The following FGF14 variants were observed in gnomAD, a reference collection of about 807,000 sequenced individuals.
FGF14 encodes the protein fibroblast growth factor 14, also known as fibroblast growth factor homologous factor 4.
In FGF14, 5 loss-of-function variants were observed where a neutral mutation model predicts 25.5. The ratio of observed to expected loss-of-function variants is 0.20; its 90% CI spans 0.10 to 0.41. The LOEUF is 0.41. Ranked by LOEUF, FGF14 falls within the 10% of genes least tolerant of loss-of-function variation. FGF14 has a pLI of 1.00. For synonymous variants in FGF14, 138 were observed against 118.3 expected, an observed-to-expected ratio of 1.17 and a Z score of -1.08; for missense variants, 222 against 320.1, an observed-to-expected ratio of 0.69 and a Z score of 2.34.
chr13:102,345,515 C>G (rs148542255), intron 1 of FGF14, among the ~76,000 whole-genome samples: 1 of 152,224 alleles, frequency 6.6e-6, no homozygotes, highest in Non-Finnish European at 1.5e-5. Flanking sequence ...ACAAAGCATG[C>G]CTTTTCCCCC....
In FGF14 at chr13:101,850,502, ATATATATATATAGAATT is replaced by A. The variant is rs2043751983; in HGVS notation, c.408+18206_408+18222del. ...TATATATATATATATATATATATAT[ATATATATATATAGAATT>A]ATATATTCTATATATATATATATAT... On this transcript the variant is annotated intron_variant, in intron 3 of 4. Transcript: ENST00000376143. Among the ~76,000 whole-genome samples the A allele has an allele frequency of 1.1e-3, 2 of 1,880 alleles. 1 individual carries two copies. Among genetic ancestry groups the A allele is most frequent in the Non-Finnish European group, 2.5e-3 (2 of 802 alleles). The allele number at this position is 1,880 out of a possible 152,430, so 1.2% of individuals were successfully genotyped here.
At chr13:102,388,097 T>A (rs1346259514) in intron 1 of FGF14, among the ~76,000 whole-genome samples, 1 of 152,156 alleles carries the variant, frequency 6.6e-6, no homozygotes, top group Non-Finnish European at 1.5e-5. Context: ...GTCCCTGGGG[T>A]CTGTTGTTCC....
chr13:102,331,013 G>A (rs544720326), intron 1 of FGF14, among the ~76,000 whole-genome samples: 10 of 152,310 alleles, frequency 6.6e-5, no homozygotes, highest in East Asian at 1.9e-4. Flanking sequence ...GAATCAGACC[G>A]TCCTCCATTT....
chr13:102,198,969 C>A (rs927878332), intron 1 of FGF14, among the ~76,000 whole-genome samples: 1 of 152,206 alleles, frequency 6.6e-6, no homozygotes, highest in East Asian at 1.9e-4. Context: ...CCCCCAATAT[C>A]CTTATGTCTA....
At chr13:102,022,133 C>T (rs181522522) in intron 1 of FGF14, among the ~76,000 whole-genome samples, 19 of 152,056 alleles carry the variant, frequency 1.2e-4, no homozygotes, top group African/African-American at 4.6e-4. Flanking sequence ...CCCCCACCCC[C>T]CTTACTCAAT....
intron 1 of FGF14, among the ~76,000 whole-genome samples, chr13:101,970,204 G>C (rs755472473): frequency 6.6e-6 from 1 of 152,176 alleles, no homozygotes; most frequent in Admixed American, 6.5e-5. Flanking sequence ...AGGAGATCTA[G>C]ACCTTGTATG....
intron 1 of FGF14, among the ~76,000 whole-genome samples, chr13:102,355,913 C>G (rs1358071775): frequency 2.0e-5 from 3 of 151,590 alleles, no homozygotes; most frequent in Non-Finnish European, 4.4e-5. Flanking sequence ...GATTTTTTTC[C>G]ATCTCAGGTA....
intron 1 of FGF14, among the ~76,000 whole-genome samples, chr13:102,326,121 C>G (rs1232371077): frequency 6.6e-6 from 1 of 152,114 alleles, no homozygotes; most frequent in Non-Finnish European, 1.5e-5. Flanking sequence ...AATTTTAAAG[C>G]ATAACCTCAA....
intron 3 of FGF14, among the ~76,000 whole-genome samples, chr13:101,839,558 G>T (rs930863308): frequency 6.6e-6 from 1 of 151,940 alleles, no homozygotes; most frequent in Non-Finnish European, 1.5e-5. Context: ...GTAAATAGTA[G>T]ATGTATATAT....
Position 102,400,044 on chromosome 13 carries a change from T to G in FGF14, c.208+1427A>C, listed in dbSNP as rs1202960118. Among the ~76,000 whole-genome samples the G allele has an allele frequency of 6.6e-6, 1 of 150,922 alleles. No homozygotes were observed. The highest frequency in any genetic ancestry group is 1.5e-5 in the Non-Finnish European group (1 of 67,704). ...GGTCTCAGCCTCCGCACCCACCGCC[T>G]CCGTCCCCGCCCACCCGCACCTCCT... On this transcript the variant is annotated intron_variant, in intron 1 of 4. Coordinates refer to the FGF14 transcript ENST00000376131. This position sits in a 1 kb window ranked among gnomAD's most constrained non-coding sequence, Gnocchi z 4.3.
rs370757924 is a variant in FGF14 at position 101,961,606 on chromosome 13, T to C, written c.209-86310A>G. Among the ~76,000 whole-genome samples, 4 of 152,274 alleles carry C rather than the reference T, an allele frequency of 2.6e-5. No homozygotes were observed. The South Asian group carries it at 8.3e-4, about 32-fold the overall frequency. ...TCTTGTAGTTCTCATAATACCCATA[T>C]GTTATGGGAGCAACCTGGTGGGAGC... On this transcript the variant is annotated intron_variant, in intron 1 of 4. Transcript: ENST00000376131.
At chr13:101,978,637 A>G (rs987571018) in intron 1 of FGF14, among the ~76,000 whole-genome samples, 1 of 152,240 alleles carries the variant, frequency 6.6e-6, no homozygotes, top group African/African-American at 2.4e-5. Context: ...TACATCTCCA[A>G]TATCACTATG....
chr13:102,237,159 T>C (rs938254535), intron 1 of FGF14, among the ~76,000 whole-genome samples: 1 of 152,360 alleles, frequency 6.6e-6, no homozygotes, highest in Admixed American at 6.5e-5. Flanking sequence ...GAAGACTTTC[T>C]GATAGAGCGT....
At chr13:102,130,567 C>T (rs1165359803) in intron 1 of FGF14, among the ~76,000 whole-genome samples, 7 of 152,138 alleles carry the variant, frequency 4.6e-5, no homozygotes, top group African/African-American at 1.4e-4. Flanking sequence ...ATTAATACCC[C>T]CTTTGTCAGA....
At chr13:102,362,457 T>C (rs1197799737) in intron 1 of FGF14, among the ~76,000 whole-genome samples, 1 of 152,216 alleles carries the variant, frequency 6.6e-6, no homozygotes, top group Non-Finnish European at 1.5e-5. Flanking sequence ...AATAGAGATA[T>C]TGAGATAAAT....
At chr13:101,805,177 T>C (rs570517070) in intron 3 of FGF14, among the ~76,000 whole-genome samples, 29 of 152,274 alleles carry the variant, frequency 1.9e-4, no homozygotes, top group Non-Finnish European at 2.9e-4. Context: ...ATTTGAAGCC[T>C]GATAGGGTTG....
At chr13:101,884,116 A>T (rs1177731850) in intron 1 of FGF14, among the ~76,000 whole-genome samples, 1 of 148,958 alleles carries the variant, frequency 6.7e-6, no homozygotes, top group Non-Finnish European at 1.5e-5. Flanking sequence ...GAGAGTCACT[A>T]TATGATGTGT....
At position 102,191,921 on chromosome 13, in the gene FGF14, G is replaced by A. The variant is rs548160048; in HGVS notation, c.208+209550C>T. Among the ~76,000 whole-genome samples the A allele has an allele frequency of 5.9e-5, 9 of 152,304 alleles. No individual in the cohort carries two copies. In the East Asian group the frequency reaches 1.5e-3, roughly 26 times the overall value. ...GGAAAAATTAAGAAAGAAGGAAGGA[G>A]AGACAGGCCACAAGAATGTCTAAAA... On this transcript the variant is annotated intron_variant, in intron 1 of 4. Coordinates refer to the FGF14 transcript ENST00000376131.
intron 1 of FGF14, among the ~76,000 whole-genome samples, chr13:101,912,344 C>T (rs2033033158): frequency 6.6e-6 from 1 of 152,026 alleles, no homozygotes; most frequent in Admixed American, 6.5e-5. Context: ...ATCACAGCCC[C>T]AAAAAAGTAA....
Sources: allele counts gnomAD v4.1 joint callset (sites outside exome capture counted in the v4.1 genomes callset), GRCh38; gene constraint gnomAD v4.1.1; non-coding constraint Gnocchi (gnomAD v3.1); transcripts MANE v1.5; gene names NCBI Gene and HGNC (gene_info 2026-07-23, HGNC 2026-07-21).